Variants in LRRC37B observed in about 807,000 individuals in gnomAD.
The protein encoded by LRRC37B is leucine-rich repeat-containing protein 37B.
In LRRC37B, 28 loss-of-function variants were observed where a neutral mutation model predicts 98.3. The observed-to-expected ratio is 0.28, with a 90% confidence interval of 0.21 to 0.39. The LOEUF (loss-of-function observed/expected upper bound fraction) is 0.39, where lower values mean the gene tolerates loss of function less well. Among genes scored for constraint, LRRC37B ranks in the 10% least tolerant of loss-of-function variants. The pLI is 1.00. For missense variants in LRRC37B, 938 were observed against 1,182.7 expected (o/e 0.79, Z 3.03); for synonymous variants, 364 against 442.7 (o/e 0.82, Z 2.23).
exon 1 of LRRC37B, chr17:32,021,106 C>T: frequency 6.2e-7 from 1 of 1,614,048 alleles, no homozygotes; most frequent in South Asian, 1.1e-5. Flanking sequence ...CTCAGGGCTG[C>T]CAGAATGGCT....
chr17:32,018,699 G>C (rs1410643110), upstream of LRRC37B, among the ~76,000 whole-genome samples: 1 of 152,166 alleles, frequency 6.6e-6, no homozygotes, highest in African/African-American at 2.4e-5. Flanking sequence ...CCTTAAGACT[G>C]ATTGTGCTAC....
At chr17:32,022,646 T>C (rs1452356220) in exon 1 of LRRC37B, 1 of 1,613,974 alleles carries the variant, frequency 6.2e-7, no homozygotes, top group East Asian at 2.2e-5. Flanking sequence ...CTTCGCAGGA[T>C]TCATTGGTGC....
At chr17:32,026,243 A>G (rs1910948004) in intron 2 of LRRC37B, among the ~76,000 whole-genome samples, 1 of 152,228 alleles carries the variant, frequency 6.6e-6, no homozygotes, top group Non-Finnish European at 1.5e-5. Context: ...TGCCATGTGC[A>G]GTGGCTCACG....
intron 1 of LRRC37B, among the ~76,000 whole-genome samples, chr17:32,023,208 G>A (rs1234151055): frequency 2.1e-4 from 31 of 147,204 alleles, no homozygotes; most frequent in African/African-American, 7.1e-4. Context: ...CGCAACCTCC[G>A]TCTCCCGGGT....
chr17:32,033,344 GGAAGGGAGGGAAGGGAAAGAA>G (rs1230499270), intron 5 of LRRC37B, among the ~76,000 whole-genome samples: 1 of 141,326 alleles, frequency 7.1e-6, no homozygotes, highest in East Asian at 2.4e-4. Context: ...GGGGAGGGAG[GGAAGGGAGGGAAGGGAAAGAA>G]GGAGGGAGGG....
At chr17:32,033,580 AATAATATCTACC>A (rs1911166747) in intron 5 of LRRC37B, among the ~76,000 whole-genome samples, 1 of 152,304 alleles carries the variant, frequency 6.6e-6, no homozygotes, top group Non-Finnish European at 1.5e-5. Flanking sequence ...ATAGGGCAAT[AATAATATCTACC>A]ACATAAGGTT....
Position 32,034,916 on chromosome 17 carries a change from C to G in LRRC37B, c.2064C>G (p.Leu688=), listed in dbSNP as rs112535435. 1,717 of 1,610,342 alleles carry G rather than the reference C, an allele frequency of 1.1e-3. 4 individuals carry two copies. The highest frequency in any genetic ancestry group is 1.2e-3 in the Non-Finnish European group (1,447 of 1,177,816). ...ATTTCATTGCATTTTTCAGAATTCT[C>G]AATCGCAATCCTCTGACTACTGTCG... Residue 688 remains leucine (L), a synonymous_variant, in exon 6 of 12, where the codon CTC becomes CTG. Coordinates refer to ENST00000327564, the Ensembl canonical transcript of LRRC37B.
At chr17:32,045,718 G>A (rs1422808583) in exon 8 of LRRC37B, 13 of 1,605,132 alleles carry the variant, frequency 8.1e-6, no homozygotes, top group Non-Finnish European at 1.1e-5. Flanking sequence ...CTAGCCATAT[G>A]GCCTGCTGCC....
At chr17:32,045,715 T>A (rs773340766) in exon 8 of LRRC37B, 1 of 1,605,274 alleles carries the variant, frequency 6.2e-7, no homozygotes, top group South Asian at 1.1e-5. Context: ...TACCTAGCCA[T>A]ATGGCCTGCT....
chr17:32,035,864 A>G, intron 7 of LRRC37B: 1 of 419,098 alleles, frequency 2.4e-6, no homozygotes, highest in Non-Finnish European at 4.3e-6. Flanking sequence ...TTCCCTTTGT[A>G]GGCAATCCCT....
Position 32,035,612 on chromosome 17 carries a change from TCA to T in LRRC37B, c.2179_2180del (p.Thr727AspfsTer4). 1.2e-6 allele frequency: 2 copies of T among 1,611,750 alleles called. No homozygotes were observed. Among genetic ancestry groups the T allele is most frequent in the Non-Finnish European group, 1.7e-6 (2 of 1,178,912 alleles). The stretch of plus-strand genomic sequence containing the variant: ...ACACTTACAACACTTAAGAACATTC[TCA>T]CGATGACTGTTGAACTGGAAAAACT... On this transcript the variant is annotated frameshift_variant, in exon 7 of 12. Transcript: ENST00000327564. LOFTEE classifies it high-confidence loss of function.
At chr17:32,020,998 A>G, upstream of LRRC37B, 1 of 1,525,108 alleles carries the variant, frequency 6.6e-7, no homozygotes, top group South Asian at 1.3e-5. Flanking sequence ...TTGCCCTGGT[A>G]ACATGGAACA....
chr17:32,052,445 T>A (rs1172645781), intron 11 of LRRC37B: 2 of 152,222 alleles, frequency 1.3e-5, no homozygotes, highest in Non-Finnish European at 2.9e-5. Context: ...AAGAGTTTTT[T>A]ATTAGGAATT....
intron 7 of LRRC37B, chr17:32,041,298 G>A (rs746648274): frequency 2.2e-5 from 17 of 757,550 alleles, no homozygotes; most frequent in Middle Eastern, 2.3e-4. Flanking sequence ...CCGATCTTCC[G>A]ACAAGTCCAT....
chr17:32,046,802 C>T (rs1473879396), intron 8 of LRRC37B, among the ~76,000 whole-genome samples: 3 of 152,160 alleles, frequency 2.0e-5, no homozygotes, highest in East Asian at 1.9e-4. Flanking sequence ...TTACTTCTTC[C>T]GCTGACCTTC....
chr17:32,007,931 A>G (rs1598198797), upstream of LRRC37B: 2 of 579,834 alleles, frequency 3.4e-6, no homozygotes, highest in Non-Finnish European at 4.9e-6. This position sits in a 1 kb window ranked among gnomAD's most constrained non-coding sequence, Gnocchi z 4.1. Flanking sequence ...GGCTGTCAAC[A>G]GAGTGGTGTA....
At chr17:32,043,787 A>C (rs1228125604) in intron 7 of LRRC37B, among the ~76,000 whole-genome samples, 1 of 152,160 alleles carries the variant, frequency 6.6e-6, no homozygotes, top group African/African-American at 2.4e-5. Context: ...CCCAACTCAC[A>C]GACTTCATGT....
chr17:32,049,182 G>T, exon 10 of LRRC37B: 1 of 1,614,080 alleles, frequency 6.2e-7, no homozygotes, highest in Non-Finnish European at 8.5e-7. Flanking sequence ...CATGTCTCAT[G>T]TTATCCGGAC....
intron 5 of LRRC37B, among the ~76,000 whole-genome samples, chr17:32,031,784 A>G (rs1911117697): frequency 1.3e-5 from 2 of 151,564 alleles, no homozygotes; most frequent in African/African-American, 4.8e-5. Flanking sequence ...GGGGCGGATC[A>G]CCTGAGGTCA....
Sources: allele counts gnomAD v4.1 joint callset (sites outside exome capture counted in the v4.1 genomes callset), GRCh38; gene constraint gnomAD v4.1.1; non-coding constraint Gnocchi (gnomAD v3.1); transcripts MANE v1.5; gene names NCBI Gene and HGNC (gene_info 2026-07-23, HGNC 2026-07-21).